Variants in ZBTB37 observed in about 807,000 individuals in gnomAD.
The protein encoded by ZBTB37 is zinc finger and BTB domain containing 37.
ZBTB37 carries 15 observed loss-of-function variants against 37.7 expected under a neutral mutation model. The observed-to-expected ratio is 0.40, with a 90% CI of 0.27 to 0.61. The LOEUF (loss-of-function observed/expected upper bound fraction) is 0.61. ZBTB37 is among the 20% of genes least tolerant of loss of function. The pLI is 0.44. For synonymous variants in ZBTB37, 231 were observed against 220.6 expected (o/e 1.05, Z -0.42); for missense variants, 514 against 641.9 (o/e 0.80, Z 2.15).
At chr1:173,877,050 T>C (rs1265719712) in intron 4 of ZBTB37, among the ~76,000 whole-genome samples, 2 of 152,204 alleles carry the variant, frequency 1.3e-5, no homozygotes, top group Non-Finnish European at 2.9e-5. Flanking sequence ...AAACATAAAT[T>C]ACTGAATATA....
intron 4 of ZBTB37, among the ~76,000 whole-genome samples, chr1:173,884,413 C>G (rs1656507658): frequency 6.6e-6 from 1 of 151,932 alleles, no homozygotes; most frequent in Non-Finnish European, 1.5e-5. Flanking sequence ...CCACCTCAGC[C>G]TCCCAAAGTG....
chr1:173,873,672 C>T (rs1263619533), intron 4 of ZBTB37, 106 bp downstream of exon 4: 2 of 1,482,610 alleles, frequency 1.3e-6, no homozygotes, highest in Non-Finnish European at 1.8e-6. Flanking sequence ...TAACAATGGC[C>T]CTGTTAAAGA....
At chr1:173,877,881 G>A (rs1299133135) in intron 4 of ZBTB37, among the ~76,000 whole-genome samples, 1 of 152,118 alleles carries the variant, frequency 6.6e-6, no homozygotes, top group Admixed American at 6.5e-5. Flanking sequence ...TGATTATGGG[G>A]GTGATTAAAC....
exon 4 of ZBTB37, chr1:173,891,874 A>C (rs1352596589): frequency 6.6e-6 from 1 of 152,224 alleles, no homozygotes; most frequent in African/African-American, 2.4e-5. Flanking sequence ...ATGCTGATAC[A>C]GTATAGGGAG....
chr1:173,878,512 A>G (rs1656107687), intron 4 of ZBTB37, among the ~76,000 whole-genome samples: 1 of 152,214 alleles, frequency 6.6e-6, no homozygotes, highest in Non-Finnish European at 1.5e-5. Context: ...ACAATCAACC[A>G]TCAAATAAAC....
exon 4 of ZBTB37, chr1:173,897,948 TTC>T (rs1326928575): frequency 9.2e-5 from 14 of 152,194 alleles, no homozygotes; most frequent in Non-Finnish European, 1.9e-4. Flanking sequence ...GTGCTTTTTT[TTC>T]TCTCTCTGTC....
exon 3 of ZBTB37, chr1:173,871,107 A>G: frequency 1.9e-6 from 3 of 1,612,520 alleles, no homozygotes; most frequent in Non-Finnish European, 2.5e-6. Flanking sequence ...TAGGGTCTTC[A>G]GGAGCCAAGG....
rs149295846 is a variant in ZBTB37 at position 173,885,534 on chromosome 1, G to T, written c.1024-102G>T. ...TTCTGTTTGATCCGCCACTAAAAAG[G>T]TACATATATCTTAGTAACAAGTAAA... is the stretch of plus-strand genomic sequence containing the variant. On this transcript the variant is annotated intron_variant, in intron 4 of 4. Transcript: ENST00000427304. 68 of 988,558 alleles carry T rather than the reference G, an allele frequency of 6.9e-5. No individual in the cohort carries two copies. In the East Asian group the frequency reaches 1.7e-3, roughly 24 times the overall value. 61.2% of individuals were successfully genotyped at this position (988,558 alleles called of 1,614,324 possible). A position where few individuals can be genotyped will look rare whatever the true frequency, so the allele number is the denominator to read the frequency against.
At chr1:173,868,610 C>T (rs997644575) in intron 1 of ZBTB37, 2 of 152,450 alleles carry the variant, frequency 1.3e-5, no homozygotes, top group Admixed American at 6.5e-5. Flanking sequence ...TCGCGGGGCC[C>T]CTCCCTCAGG....
At chr1:173,885,580 ATATG>A in intron 4 of ZBTB37, 52 bp from the exon 5 acceptor site, 1 of 1,379,100 alleles carries the variant, frequency 7.3e-7, no homozygotes, top group Non-Finnish European at 9.8e-7. Flanking sequence ...ATTGCTTTTA[ATATG>A]TATGCTTAAT....
chr1:173,876,934 C>A (rs199646628), intron 4 of ZBTB37, among the ~76,000 whole-genome samples: 5 of 152,232 alleles, frequency 3.3e-5, no homozygotes, highest in African/African-American at 4.8e-5. Context: ...ACCTACTGCA[C>A]ACCTAGTTCA....
At chr1:173,872,123 C>T (rs912786215) in intron 3 of ZBTB37, among the ~76,000 whole-genome samples, 1 of 152,130 alleles carries the variant, frequency 6.6e-6, no homozygotes, top group South Asian at 2.1e-4. Flanking sequence ...GGCTGGAGTG[C>T]AGTGGTGCGA....
At position 173,870,510 on chromosome 1, in the gene ZBTB37, A is replaced by G. The variant is rs371716154; in HGVS notation, c.285A>G (p.Gln95=). 6.2e-6 allele frequency: 10 copies of G among 1,614,138 alleles called. No homozygotes were observed. In the African/African-American group the frequency reaches 9.3e-5, roughly 15 times the overall value. The change falls in exon 3 of 5, where the codon CAA becomes CAG. Residue 95 remains glutamine (Q), a synonymous_variant. Coordinates refer to ENST00000427304, the Ensembl canonical transcript of ZBTB37. ...GTTACACAGGGCGGATATGCCTGCAACTGGCAGATATCATCAGCTACCTAA... is the reference window on the plus strand; with the variant it reads ...GTTACACAGGGCGGATATGCCTGCAGCTGGCAGATATCATCAGCTACCTAA...
At chr1:173,869,650 T>G (rs79278211) in intron 2 of ZBTB37, among the ~76,000 whole-genome samples, 2 of 151,774 alleles carry the variant, frequency 1.3e-5, no homozygotes, top group Admixed American at 6.6e-5. Flanking sequence ...AGTCTTTTTG[T>G]GGGGGGGGCT....
chr1:173,898,432 G>A (rs1657135654), exon 4 of ZBTB37: 2 of 148,394 alleles, frequency 1.3e-5, no homozygotes, highest in South Asian at 4.3e-4. Flanking sequence ...TTGCACTCCA[G>A]CCTGAGCAAC....
exon 4 of ZBTB37, chr1:173,897,435 T>G (rs1361188070): frequency 6.6e-6 from 1 of 152,236 alleles, no homozygotes; most frequent in East Asian, 1.9e-4. Context: ...TTTTCAAACC[T>G]GGCAAAAGGA....
chr1:173,874,553 G>A (rs974892271), intron 4 of ZBTB37, among the ~76,000 whole-genome samples: 17 of 152,136 alleles, frequency 1.1e-4, no homozygotes, highest in African/African-American at 1.7e-4. Context: ...GGGTTTCACC[G>A]TGTTAGCCAG....
At chr1:173,895,951 A>C (rs1657028591) in exon 4 of ZBTB37, 1 of 152,216 alleles carries the variant, frequency 6.6e-6, no homozygotes, top group Non-Finnish European at 1.5e-5. Context: ...GTCCATGTGC[A>C]ATGAATCCTT....
In ZBTB37 at chr1:173,879,115, A is replaced by G. The variant is rs547897121; in HGVS notation, c.1023+5549A>G. Reference sequence around the variant, plus strand: ...TCAAAAAAAAAAAAAAAAAATCAGCATTTATTCTCTTTCTTGGCTTCCTGA... The same window carrying G: ...TCAAAAAAAAAAAAAAAAAATCAGCGTTTATTCTCTTTCTTGGCTTCCTGA... On this transcript the variant is annotated intron_variant, in intron 4 of 4. Transcript: ENST00000427304. Among the ~76,000 whole-genome samples the G allele has an allele frequency of 5.3e-5, 8 of 151,294 alleles. No individual in the cohort carries two copies. The South Asian group carries it at 8.4e-4, about 16-fold the overall frequency.
Sources: gnomAD v4.1 joint callset for allele counts (sites outside exome capture counted in the v4.1 genomes callset) on GRCh38, gnomAD v4.1.1 for gene constraint, MANE v1.5 for transcripts, NCBI Gene and HGNC (gene_info 2026-07-23, HGNC 2026-07-21) for gene names.